Variants in TBCK observed in about 807,000 individuals in gnomAD.
TBCK encodes the protein TBC1 domain containing kinase.
In TBCK, 99 loss-of-function variants were observed where a neutral mutation model predicts 113.4. The observed-to-expected ratio is 0.87, with a 90% CI of 0.74 to 1.03. TBCK has a LOEUF of 1.03. TBCK is among the 50% of genes least tolerant of loss of function. The pLI, the probability that TBCK is intolerant of heterozygous loss-of-function variation, is 0.00. For synonymous variants in TBCK, 369 were observed against 370.8 expected, an observed-to-expected ratio of 1.00 and a Z score of 0.05; for missense variants, 1,045 against 1,061.3, an observed-to-expected ratio of 0.98 and a Z score of 0.21.
intron 20 of TBCK, 66 bp from the exon 21 acceptor site, chr4:106,194,820 T>C (rs1024609098): frequency 3.0e-6 from 4 of 1,332,478 alleles, no homozygotes; most frequent in Non-Finnish European, 4.1e-6. Flanking sequence ...TTAGAATGAT[T>C]ACCAATAAAC....
At chr4:106,255,439 G>A (rs534912731) in intron 5 of TBCK, among the ~76,000 whole-genome samples, 101 of 152,356 alleles carry the variant, frequency 6.6e-4, no homozygotes, top group Non-Finnish European at 1.0e-3. Context: ...GCACAGCCAG[G>A]CACACTGGCT....
intron 3 of TBCK, among the ~76,000 whole-genome samples, chr4:106,280,340 T>C (rs530640595): frequency 3.9e-5 from 6 of 152,252 alleles, no homozygotes; most frequent in African/African-American, 1.4e-4. Flanking sequence ...TAGCCCCTTG[T>C]CAGACAGTTT....
At chr4:106,059,439 G>A (rs549475334) in intron 25 of TBCK, among the ~76,000 whole-genome samples, 13 of 151,614 alleles carry the variant, frequency 8.6e-5, no homozygotes, top group African/African-American at 2.9e-4. Flanking sequence ...TATTTGAAAC[G>A]TTTTCATTAT....
chr4:106,172,156 C>T (rs1389261828), intron 22 of TBCK, among the ~76,000 whole-genome samples: 1 of 152,044 alleles, frequency 6.6e-6, no homozygotes, highest in African/African-American at 2.4e-5. Flanking sequence ...CTTTAATAAT[C>T]TCTTGAGTTA....
chr4:106,120,247 G>C (rs561898103), intron 23 of TBCK, among the ~76,000 whole-genome samples: 1 of 152,150 alleles, frequency 6.6e-6, no homozygotes, highest in African/African-American at 2.4e-5. Flanking sequence ...CGAATATTGC[G>C]CTTTTCGGAC....
In TBCK at chr4:106,236,499, G is replaced by A; in HGVS notation, c.1241C>T (p.Ser414Leu). ...TGCAGACAACTCATTATTGCTGTTT[G>A]AATGAGGTAAATTAGACTGGCTGTA... ...LEDDQSNLPH[S>L]NSNNELSAAA... Residue 414 changes from serine to leucine, a missense_variant, in exon 14 of 26, where the codon TCA becomes TTA. Coordinates refer to ENST00000394708, the MANE Select transcript of TBCK (RefSeq NM_001163435.3). 6.4e-7 allele frequency: 1 copy of A among 1,560,902 alleles called. No individual in the cohort carries two copies. The highest frequency in any genetic ancestry group is 8.7e-7 in the Non-Finnish European group (1 of 1,153,830).
At chr4:106,065,074 C>T (rs774663162) in intron 25 of TBCK, among the ~76,000 whole-genome samples, 14 of 151,844 alleles carry the variant, frequency 9.2e-5, no homozygotes, top group Admixed American at 2.0e-4. Context: ...ATACATTTTC[C>T]ACTAGGTAAC....
At chr4:106,279,393 TAATCATATCA>T (rs751509228) in intron 3 of TBCK, among the ~76,000 whole-genome samples, 1 of 152,190 alleles carries the variant, frequency 6.6e-6, no homozygotes, top group Non-Finnish European at 1.5e-5. Context: ...CAATGTGTAA[TAATCATATCA>T]GGATAAATGG....
intron 23 of TBCK, among the ~76,000 whole-genome samples, chr4:106,166,664 C>T (rs1380378356): frequency 6.6e-6 from 1 of 151,576 alleles, no homozygotes; most frequent in Non-Finnish European, 1.5e-5. Flanking sequence ...AATCTATAAA[C>T]ATAGGTGCAT....
At chr4:106,059,089 C>T (rs1309471129) in intron 25 of TBCK, among the ~76,000 whole-genome samples, 1 of 151,678 alleles carries the variant, frequency 6.6e-6, no homozygotes, top group Admixed American at 6.6e-5. Context: ...AGTGTAGGAA[C>T]TTTGTAGACA....
intron 5 of TBCK, among the ~76,000 whole-genome samples, chr4:106,256,389 C>T (rs559160870): frequency 2.0e-5 from 3 of 152,296 alleles, no homozygotes; most frequent in South Asian, 4.1e-4. Context: ...TGTTGGTGTC[C>T]GAAGTCCACA....
intron 1 of TBCK, among the ~76,000 whole-genome samples, chr4:106,309,305 CTTTTTTT>C (rs536969885): frequency 3.3e-3 from 343 of 103,132 alleles, no homozygotes; most frequent in African/African-American, 0.013. Context: ...AGGCTCTTCT[CTTTTTTT>C]TTTTTTTTTT....
At chr4:106,181,936 T>C (rs188758228) in intron 22 of TBCK, among the ~76,000 whole-genome samples, 3 of 152,318 alleles carry the variant, frequency 2.0e-5, no homozygotes, top group African/African-American at 7.2e-5. Flanking sequence ...GGGATAGCAT[T>C]GAATCTATAA....
At chr4:106,055,754 T>C (rs1330075063) in intron 25 of TBCK, among the ~76,000 whole-genome samples, 2 of 151,652 alleles carry the variant, frequency 1.3e-5, no homozygotes, top group Non-Finnish European at 3.0e-5. Context: ...TTATGGTTTC[T>C]TGAAACAAAT....
chr4:106,160,556 C>T (rs1749647108), intron 23 of TBCK, among the ~76,000 whole-genome samples: 1 of 151,410 alleles, frequency 6.6e-6, no homozygotes, highest in South Asian at 2.1e-4. Context: ...AATGAGATTC[C>T]ACTGCACATT....
intron 22 of TBCK, among the ~76,000 whole-genome samples, chr4:106,176,244 GCTGT>G (rs1751655930): frequency 6.6e-6 from 1 of 151,948 alleles, no homozygotes; most frequent in Non-Finnish European, 1.5e-5. Context: ...ATCCTACTGT[GCTGT>G]CTATTGAACA....
At chr4:106,205,054 C>T (rs910650783) in intron 20 of TBCK, among the ~76,000 whole-genome samples, 16 of 152,098 alleles carry the variant, frequency 1.1e-4, no homozygotes, top group African/African-American at 1.7e-4. Context: ...CGTGAGCCAC[C>T]GCGCCCGGCC....
At chr4:106,084,609 G>A (rs1163481535) in intron 25 of TBCK, among the ~76,000 whole-genome samples, 6 of 152,026 alleles carry the variant, frequency 3.9e-5, no homozygotes, top group Admixed American at 2.6e-4. Flanking sequence ...GATACTCCAC[G>A]AGAAGATCAA....
intron 25 of TBCK, among the ~76,000 whole-genome samples, chr4:106,071,943 T>C (rs1292946203): frequency 6.6e-6 from 1 of 152,210 alleles, no homozygotes; most frequent in South Asian, 2.1e-4. Flanking sequence ...TGCTTTCCAT[T>C]TGCTTGGTAG....
Sources: allele counts gnomAD v4.1 joint callset (sites outside exome capture counted in the v4.1 genomes callset), GRCh38; gene constraint gnomAD v4.1.1; transcripts MANE v1.5; gene names NCBI Gene and HGNC (gene_info 2026-07-23, HGNC 2026-07-21).